Variants in KRT73 observed in about 807,000 individuals in gnomAD.
KRT73 encodes the protein keratin 73.
KRT73 carries 44 observed loss-of-function variants against 47.2 expected under a neutral mutation model. The ratio of observed to expected loss-of-function variants is 0.93; its 90% CI spans 0.73 to 1.20. The LOEUF (loss-of-function observed/expected upper bound fraction) is 1.20. Among genes scored for constraint, KRT73 ranks in the 50% most tolerant of loss-of-function variants. The pLI is 0.00. For missense variants in KRT73, 713 were observed against 704.5 expected, an observed-to-expected ratio of 1.01 and a Z score of -0.14; for synonymous variants, 285 against 291.3, an observed-to-expected ratio of 0.98 and a Z score of 0.22.
At chr12:52,615,376 CTGTG>C in intron 2 of KRT73, 37 bp from the exon 3 acceptor site, 2 of 1,547,436 alleles carry the variant, frequency 1.3e-6, no homozygotes, top group Non-Finnish European at 8.9e-7. Context: ...GAGTGTGTGT[CTGTG>C]TGTGTGTGTA....
intron 7 of KRT73, 190 bp downstream of exon 7, chr12:52,610,425 A>C (rs1350034651): frequency 6.3e-6 from 4 of 639,954 alleles, no homozygotes; most frequent in Non-Finnish European, 1.1e-5. Context: ...GACTTTCTCC[A>C]AAGAGTCAAA....
chr12:52,615,088 CACAG>C, intron 3 of KRT73, 187 bp downstream of exon 3: 3 of 553,554 alleles, frequency 5.4e-6, no homozygotes, highest in Non-Finnish European at 9.6e-6. Flanking sequence ...GGTTCCTGTC[CACAG>C]ACAAAGTACT....
At chr12:52,614,705 C>A (rs370752948) in intron 3 of KRT73, 31 bp from the exon 4 acceptor site, 9 of 1,586,492 alleles carry the variant, frequency 5.7e-6, no homozygotes, top group Non-Finnish European at 7.7e-6. Flanking sequence ...CCTGACCTCA[C>A]CTTTCTTCAA....
intron 7 of KRT73, chr12:52,609,795 T>G (rs1940656389): frequency 6.5e-6 from 1 of 153,434 alleles, no homozygotes; most frequent in Admixed American, 6.5e-5. Context: ...TATTTAGTAT[T>G]TTTAATTGAC....
chr12:52,620,650 C>T (rs535160449), upstream of KRT73, among the ~76,000 whole-genome samples: 49 of 151,854 alleles, frequency 3.2e-4, no homozygotes, highest in Admixed American at 4.6e-4. Flanking sequence ...TGCAGTATGG[C>T]GTGGATGTGC....
intron 4 of KRT73, chr12:52,614,269 C>T (rs7296390): frequency 0.42 from 152,124 of 361,808 alleles, 34,892 homozygotes; most frequent in Non-Finnish European, 0.49. Context: ...CTGCCCAAGA[C>T]CCCAGGAAAC....
chr12:52,623,603 A>G, the KRT73 span, among the ~76,000 whole-genome samples: 1 of 152,192 alleles, frequency 6.6e-6, no homozygotes, highest in African/African-American at 2.4e-5. Context: ...TGAATTTCCT[A>G]TAAATTATGT....
At chr12:52,621,266 T>C (rs1169992215), upstream of KRT73, among the ~76,000 whole-genome samples, 3 of 111,748 alleles carry the variant, frequency 2.7e-5, no homozygotes, top group African/African-American at 1.1e-4. Flanking sequence ...GAGTTTCTGA[T>C]GGTTTCAGAA....
rs115844388 is a variant in KRT73, at chr12:52,610,702, C to T, written c.1244G>A (p.Arg415His). 4.5e-5 allele frequency: 73 copies of T among 1,613,940 alleles called. No homozygotes were observed. Among genetic ancestry groups the T allele is most frequent in the Admixed American group, 2.8e-4 (17 of 59,974 alleles). ...CACGCTCAAAAGCTCTTGGTACTCG[C>T]GCAGCATCCGTGCCAGCTCCTCCTT... ...QAKEELARMLREYQELLSVKL... is the reference protein window; with the variant it reads ...QAKEELARMLHEYQELLSVKL... Residue 415 changes from arginine to histidine, a missense_variant, in exon 7 of 9, where the codon CGC becomes CAC. Coordinates refer to ENST00000305748, the MANE Select transcript of KRT73 (RefSeq NM_175068.3).
At chr12:52,609,185 C>T (rs1441842237) in intron 8 of KRT73, 62 bp downstream of exon 8, 14 of 1,464,512 alleles carry the variant, frequency 9.6e-6, no homozygotes, top group African/African-American at 2.8e-5. Flanking sequence ...GCGGTGGACA[C>T]CCACCCACTT....
chr12:52,618,578 T>G (rs1940860426), upstream of KRT73: 13 of 1,518,504 alleles, frequency 8.6e-6, no homozygotes, highest in Non-Finnish European at 1.1e-5. Flanking sequence ...TGAGATGCAG[T>G]TCACCAGCCT....
At chr12:52,611,163 C>T (rs1940693118) in intron 6 of KRT73, 41 bp downstream of exon 6, 1 of 1,609,266 alleles carries the variant, frequency 6.2e-7, no homozygotes. Context: ...CAGTTCACCC[C>T]TCCCTTAGGA....
chr12:52,628,575 T>G, the KRT73 span, among the ~76,000 whole-genome samples: 2 of 152,350 alleles, frequency 1.3e-5, no homozygotes, highest in South Asian at 4.1e-4. Flanking sequence ...TAACTGAGAA[T>G]TGATAGTAAT....
In KRT73 at chr12:52,610,424, CAA is replaced by C. The variant is rs1402927392; in HGVS notation, c.1331+189_1331+190del. On this transcript the variant is annotated intron_variant, in intron 7 of 8. Coordinates refer to ENST00000305748, the MANE Select transcript of KRT73 (RefSeq NM_175068.3). ...AACAGCACCCAGCTAAGACTTTCTC[CAA>C]AGAGTCAAAAGAGAACTGTAAAGGA... The C allele has an allele frequency of 4.7e-6, 3 of 640,046 alleles. No homozygotes were observed. The South Asian group carries it at 5.6e-5, about 12-fold the overall frequency. 39.6% of individuals were successfully genotyped at this position (640,046 alleles called of 1,614,324 possible). A position where few individuals can be genotyped will look rare whatever the true frequency, so the allele number is the denominator to read the frequency against.
At position 52,618,250 on chromosome 12, in the gene KRT73, C is replaced by A. The variant is rs1443602736; in HGVS notation, c.275G>T (p.Gly92Val). The stretch of plus-strand genomic sequence containing the variant: ...CGGGCACAACGACGGACACACGGAC[C>A]CCAAGGCCACACTGCCAAACATGCT... ...AGSMFGSVAL[G>V]SVCPSLCPPG... The change falls in exon 1 of 9, where the codon GGG becomes GTG. Residue 92 changes from glycine (G) to valine (V), a missense_variant. Gly to Val is a moderately radical substitution (Grantham distance 109). Coordinates refer to ENST00000305748, the MANE Select transcript of KRT73 (RefSeq NM_175068.3). 3.1e-6 allele frequency: 5 copies of A among 1,614,090 alleles called. No individual in the cohort carries two copies. Among genetic ancestry groups the A allele is most frequent in the Non-Finnish European group, 4.2e-6 (5 of 1,180,050 alleles).
intron 3 of KRT73, 57 bp downstream of exon 3, chr12:52,615,222 C>G (rs190192374): frequency 1.4e-6 from 2 of 1,476,844 alleles, no homozygotes; most frequent in Admixed American, 3.4e-5. Flanking sequence ...CTGCTCCTCT[C>G]TCTTAGCCCA....
rs367551325 is a variant in KRT73 at position 52,611,335 on chromosome 12, G to A, written c.985-6C>T. On this transcript the variant is annotated splice_region_variant and splice_polypyrimidine_tract_variant and intron_variant, in intron 5 of 8. Coordinates refer to ENST00000305748, the MANE Select transcript of KRT73 (RefSeq NM_175068.3). Reference sequence around the variant, plus strand: ...GCTAGCTGCAGCTCCTGGAACTAGAGGAAAAGGAACCAAAGCAAGAACACT... The same window carrying A: ...GCTAGCTGCAGCTCCTGGAACTAGAAGAAAAGGAACCAAAGCAAGAACACT... The A allele has an allele frequency of 1.9e-5, 31 of 1,614,094 alleles. No individual in the cohort carries two copies. The highest frequency in any genetic ancestry group is 3.3e-4 in the Middle Eastern group (2 of 6,062).
In KRT73 at chr12:52,613,403, T is replaced by G. The variant is rs903181510; in HGVS notation, c.984+285A>C. 3.1e-5 allele frequency: 9 copies of G among 291,056 alleles called. No homozygotes were observed. In the Admixed American group the frequency reaches 3.8e-4, roughly 12 times the overall value. The allele number at this position is 291,056 out of a possible 1,614,324, so 18.0% of individuals were successfully genotyped here. On this transcript the variant is annotated intron_variant, in intron 5 of 8. Transcript: ENST00000305748. ...GACAGAACTCTCTGCCTCCAGGGAG[T>G]GGTTTCTGACCTGCCCCACCTGGTC...
rs781427972 is a variant in KRT73 at position 52,618,179 on chromosome 12, G to A, written c.346C>T (p.Pro116Ser). 4 of 1,614,044 alleles carry A rather than the reference G, an allele frequency of 2.5e-6. No individual in the cohort carries two copies. Among genetic ancestry groups the A allele is most frequent in the East Asian group, 2.2e-5 (1 of 44,860 alleles). Residue 116 changes from proline to serine, a missense_variant, in exon 1 of 9, where the codon CCC becomes TCC. Coordinates refer to ENST00000305748, the MANE Select transcript of KRT73 (RefSeq NM_175068.3). ...QVTINKSLLA[P>S]LNVELDPEIQ... ...TCAGGGTCCAGCTCCACGTTCAGGG[G>A]TGCCAGGAGGCTCTTGTTGATGGTG...
Sources: allele counts gnomAD v4.1 joint callset (sites outside exome capture counted in the v4.1 genomes callset), GRCh38; gene constraint gnomAD v4.1.1; transcripts MANE v1.5; gene names NCBI Gene and HGNC (gene_info 2026-07-23, HGNC 2026-07-21).